The following GRAMD4 variants were observed in gnomAD, a reference collection of about 807,000 sequenced individuals.
GRAMD4 encodes the protein GRAM domain-containing protein 4.
In GRAMD4, 25 loss-of-function variants were observed where a neutral mutation model predicts 83.9. The ratio of observed to expected loss-of-function variants is 0.30; its 90% CI spans 0.22 to 0.42. GRAMD4 has a LOEUF of 0.42. Ranked by LOEUF, GRAMD4 falls within the 10% of genes least tolerant of loss-of-function variation. The pLI is 1.00. For synonymous variants in GRAMD4, 336 were observed against 320.9 expected, an observed-to-expected ratio of 1.05 and a Z score of -0.50; for missense variants, 593 against 788.7, an observed-to-expected ratio of 0.75 and a Z score of 2.97.
rs958262972 is a variant in GRAMD4, at chr22:46,654,421, C to G, written c.284-3766C>G. Among the ~76,000 whole-genome samples the G allele has an allele frequency of 5.9e-5, 9 of 152,324 alleles. No individual in the cohort carries two copies. The East Asian group carries it at 1.7e-3, about 29-fold the overall frequency. The stretch of plus-strand genomic sequence containing the variant: ...TTGTCCCCTCTGTTCATGGTGGTGT[C>G]CCGGCGCCTTGGCAGAGCCCGGCGT... On this transcript the variant is annotated intron_variant, in intron 3 of 18. Transcript: ENST00000406902.
chr22:46,592,014 C>T (rs1569248335), intron 1 of GRAMD4, among the ~76,000 whole-genome samples: 1 of 151,810 alleles, frequency 6.6e-6, no homozygotes, highest in Non-Finnish European at 1.5e-5. Flanking sequence ...CAAGGCCCTC[C>T]CTCTCGCCCC....
chr22:46,648,660 G>A (rs1307140623), intron 3 of GRAMD4, among the ~76,000 whole-genome samples: 1 of 151,730 alleles, frequency 6.6e-6, no homozygotes, highest in African/African-American at 2.4e-5. Flanking sequence ...CGAATGGGTA[G>A]ATTTGGTAAT....
In GRAMD4 at chr22:46,659,240, CA is replaced by C. The variant is rs1457340834; in HGVS notation, c.404+934del. Among the ~76,000 whole-genome samples, 802 of 128,218 alleles carry C rather than the reference CA, an allele frequency of 6.3e-3. 7 individuals carry two copies. Among genetic ancestry groups the C allele is most frequent in the African/African-American group, 0.026 (777 of 30,456 alleles). 84.1% of individuals were successfully genotyped at this position (128,218 alleles called of 152,430 possible). A position where few individuals can be genotyped will look rare whatever the true frequency, so the allele number is the denominator to read the frequency against. ...GCCTCCCTCTCAGCCTCCACTCCCT[CA>C]GCCTCCCCCCTCAGTCTCCACCCTC... is the stretch of plus-strand genomic sequence containing the variant. On this transcript the variant is annotated intron_variant, in intron 4 of 18. Transcript: ENST00000406902. This position sits in a 1 kb window ranked among gnomAD's most constrained non-coding sequence, Gnocchi z 4.1.
intron 1 of GRAMD4, among the ~76,000 whole-genome samples, chr22:46,585,210 G>C (rs992170231): frequency 6.9e-6 from 1 of 144,562 alleles, no homozygotes; most frequent in Non-Finnish European, 1.5e-5. Context: ...TTTTTTTTTA[G>C]ATGGAGTTTT....
At chr22:46,675,732 C>A (rs1032796984) in intron 17 of GRAMD4, among the ~76,000 whole-genome samples, 180 bp downstream of exon 17, 1 of 152,238 alleles carries the variant, frequency 6.6e-6, no homozygotes, top group African/African-American at 2.4e-5. Context: ...GGGTCTGCCC[C>A]TGCCCTGGGG....
At chr22:46,647,126 G>T (rs924783386) in intron 3 of GRAMD4, among the ~76,000 whole-genome samples, 1 of 152,152 alleles carries the variant, frequency 6.6e-6, no homozygotes, top group Non-Finnish European at 1.5e-5. Flanking sequence ...CCAGACACTG[G>T]GTTGGTCTGG....
At chr22:46,597,399 A>T (rs1425297244) in intron 1 of GRAMD4, among the ~76,000 whole-genome samples, 1 of 152,144 alleles carries the variant, frequency 6.6e-6, no homozygotes, top group Middle Eastern at 3.2e-3. Flanking sequence ...ATCCAGAGGA[A>T]CTTCTTTGGG....
rs1209621660 is a variant in GRAMD4 at position 46,668,089 on chromosome 22, A to G, written c.859-7A>G. ...AGTGGAAAATTCTCTTTCCCCTTTT[A>G]CTGAAGGAACCTCCAAAGGAAGACC... On this transcript the variant is annotated splice_region_variant and splice_polypyrimidine_tract_variant and intron_variant, in intron 10 of 18. Coordinates refer to ENST00000406902, the MANE Select transcript of GRAMD4 (RefSeq NM_015124.5). The G allele has an allele frequency of 3.8e-6, 6 of 1,597,334 alleles. No homozygotes were observed. The highest frequency in any genetic ancestry group is 1.7e-5 in the Admixed American group (1 of 59,734).
At position 46,587,855 on chromosome 22, in the gene GRAMD4, G is replaced by A. The variant is rs147300858; in HGVS notation, c.-50+10565G>A. 1.6e-4 allele frequency: 157 copies of A among 964,530 alleles called. No homozygotes were observed. In the African/African-American group the frequency reaches 2.0e-3, roughly 12 times the overall value. 59.7% of individuals were successfully genotyped at this position (964,530 alleles called of 1,614,324 possible). A position where few individuals can be genotyped will look rare whatever the true frequency, so the allele number is the denominator to read the frequency against. On this transcript the variant is annotated intron_variant, in intron 1 of 1. Transcript: ENST00000431155. ...GAGAGGAAGTGAAACAGGCGTGTGC[G>A]CCAGAAGCCCGGGCGTCGGGGTGGG... is the stretch of plus-strand genomic sequence containing the variant.
intron 3 of GRAMD4, among the ~76,000 whole-genome samples, chr22:46,645,676 G>C (rs2082062985): frequency 6.6e-6 from 1 of 152,180 alleles, no homozygotes; most frequent in Non-Finnish European, 1.5e-5. Context: ...ATCCTGAAGA[G>C]TACAAATGTT....
intron 2 of GRAMD4, among the ~76,000 whole-genome samples, chr22:46,627,731 G>A (rs953465581): frequency 2.6e-5 from 4 of 152,234 alleles, no homozygotes; most frequent in African/African-American, 7.2e-5. Flanking sequence ...TGGGAGCGCC[G>A]GCCTTCCCTG....
intron 1 of GRAMD4, among the ~76,000 whole-genome samples, chr22:46,589,277 G>C (rs13056484): frequency 6.7e-6 from 1 of 149,344 alleles, no homozygotes; most frequent in Non-Finnish European, 1.5e-5. Context: ...GGGCGGCTCT[G>C]ATATGGGGGA....
intron 3 of GRAMD4, among the ~76,000 whole-genome samples, chr22:46,651,976 C>T (rs1338208673): frequency 3.9e-5 from 6 of 152,118 alleles, no homozygotes; most frequent in Non-Finnish European, 5.9e-5. Context: ...AAGTCCACGC[C>T]GGGCCAGGTG....
intron 3 of GRAMD4, among the ~76,000 whole-genome samples, chr22:46,656,649 C>T (rs773585446): frequency 1.9e-4 from 29 of 152,246 alleles, no homozygotes; most frequent in Admixed American, 6.5e-5. Flanking sequence ...AGAAGCCTGC[C>T]TTCAGCCTTG....
chr22:46,668,679 C>G lies in GRAMD4; in HGVS notation c.931-10C>G, dbSNP rs531328797. Reference sequence around the variant, plus strand: ...GGGGCTGTTGTAATTGCTGTTTCTCCTTCACACAGAACCTTTTCGGGAAGA... The same window carrying G: ...GGGGCTGTTGTAATTGCTGTTTCTCGTTCACACAGAACCTTTTCGGGAAGA... On this transcript the variant is annotated splice_polypyrimidine_tract_variant and intron_variant, in intron 11 of 18. Transcript: ENST00000406902. The G allele has an allele frequency of 4.4e-5, 71 of 1,611,968 alleles. No homozygotes were observed. The highest frequency in any genetic ancestry group is 5.8e-5 in the Non-Finnish European group (68 of 1,179,280).
At chr22:46,680,873 C>T (rs1233478581), downstream of GRAMD4, among the ~76,000 whole-genome samples, 1 of 116,402 alleles carries the variant, frequency 8.6e-6, no homozygotes, top group African/African-American at 3.8e-5. Context: ...CACCCACCCA[C>T]CTATCCATCT....
At chr22:46,667,573 C>G (rs1465729361) in intron 10 of GRAMD4, among the ~76,000 whole-genome samples, 1 of 152,224 alleles carries the variant, frequency 6.6e-6, no homozygotes, top group Non-Finnish European at 1.5e-5. Flanking sequence ...GGGGCAGGAC[C>G]ACTGGGCGTG....
chr22:46,580,511 AT>A (rs1264273775), intron 1 of GRAMD4, among the ~76,000 whole-genome samples: 6 of 152,110 alleles, frequency 3.9e-5, no homozygotes, highest in Non-Finnish European at 8.8e-5. Flanking sequence ...GGGGACAGTT[AT>A]GTGAACAGAG....
intron 3 of GRAMD4, among the ~76,000 whole-genome samples, chr22:46,645,645 G>A (rs1357395167): frequency 2.0e-5 from 3 of 152,174 alleles, no homozygotes; most frequent in African/African-American, 4.8e-5. Context: ...CAAGCGTGCC[G>A]CAGCCTTCTC....
Sources: allele counts gnomAD v4.1 joint callset (sites outside exome capture counted in the v4.1 genomes callset), GRCh38; gene constraint gnomAD v4.1.1; non-coding constraint Gnocchi (gnomAD v3.1); transcripts MANE v1.5; gene names NCBI Gene and HGNC (gene_info 2026-07-23, HGNC 2026-07-21).